TNS3: variants seen among roughly 807,000 people sequenced by gnomAD.
TNS3 encodes tensin-3.
A neutral mutation model predicts 140.9 loss-of-function variants in TNS3; 45 were observed. The ratio of observed to expected loss-of-function variants is 0.32; its 90% confidence interval spans 0.25 to 0.41. The LOEUF is 0.41. TNS3 is among the 10% of genes least tolerant of loss of function. The pLI is 1.00. For synonymous variants in TNS3, 815 were observed against 788.4 expected (o/e 1.03, Z -0.56); for missense variants, 1,716 against 1,906.7 (o/e 0.90, Z 1.86).
At chr7:47,528,224 T>A (rs1452501722) in intron 2 of TNS3, among the ~76,000 whole-genome samples, 1 of 152,086 alleles carries the variant, frequency 6.6e-6, no homozygotes, top group African/African-American at 2.4e-5. Flanking sequence ...CCCATTAAGG[T>A]TTGACTGCGT....
At chr7:47,282,444 T>A (rs1421270698) in intron 28 of TNS3, among the ~76,000 whole-genome samples, 1 of 149,216 alleles carries the variant, frequency 6.7e-6, no homozygotes, top group Non-Finnish European at 1.5e-5. Context: ...CTGAGCTATG[T>A]CCCTGACCCT....
intron 4 of TNS3, among the ~76,000 whole-genome samples, chr7:47,464,370 T>C (rs1306931146): frequency 6.6e-6 from 1 of 151,860 alleles, no homozygotes; most frequent in Non-Finnish European, 1.5e-5. Flanking sequence ...AATGTGAGTT[T>C]CTCAGGTGGA....
chr7:47,572,798 G>A (rs532332284), intron 1 of TNS3, among the ~76,000 whole-genome samples: 7 of 152,022 alleles, frequency 4.6e-5, no homozygotes, highest in Non-Finnish European at 4.4e-5. Flanking sequence ...ATTTGAACCC[G>A]GGATGGGGAG....
chr7:47,459,822 C>T (rs1017782128), intron 4 of TNS3, among the ~76,000 whole-genome samples: 3 of 152,156 alleles, frequency 2.0e-5, no homozygotes, highest in African/African-American at 7.2e-5. Context: ...TGGAGACTGA[C>T]AAAATGCCTG....
intron 1 of TNS3, among the ~76,000 whole-genome samples, chr7:47,541,439 C>A (rs975264128): frequency 1.7e-4 from 26 of 152,178 alleles, no homozygotes; most frequent in Admixed American, 9.2e-4. Flanking sequence ...CAACAGTCAC[C>A]CCCCAATGAG....
intron 10 of TNS3, among the ~76,000 whole-genome samples, chr7:47,419,096 G>A (rs762358948): frequency 2.6e-5 from 4 of 152,174 alleles, no homozygotes; most frequent in Non-Finnish European, 5.9e-5. Context: ...CATGTAATGG[G>A]AAGAATAATG....
At position 47,405,294 on chromosome 7, in the gene TNS3, G is replaced by C. The variant is rs77911661; in HGVS notation, c.724-4380C>G. Among the ~76,000 whole-genome samples the C allele has an allele frequency of 7.5e-3, 1,137 of 152,230 alleles. 10 individuals carry two copies. Among genetic ancestry groups the C allele is most frequent in the African/African-American group, 0.025 (1,058 of 41,532 alleles). On this transcript the variant is annotated intron_variant, in intron 13 of 30. Transcript: ENST00000311160. The stretch of plus-strand genomic sequence containing the variant: ...CTTCCCCTAAATTTACTAAGCAAAA[G>C]AGCAGAACCCTCAAAGCATCCCTAA...
chr7:47,300,735 G>C (rs1786351280), intron 23 of TNS3, among the ~76,000 whole-genome samples: 1 of 152,206 alleles, frequency 6.6e-6, no homozygotes, highest in South Asian at 2.1e-4. Flanking sequence ...CTCTCAGTTT[G>C]GCCAGCTGGA....
chr7:47,417,105 A>G (rs1290477146), intron 10 of TNS3, among the ~76,000 whole-genome samples: 1 of 152,170 alleles, frequency 6.6e-6, no homozygotes, highest in African/African-American at 2.4e-5. Context: ...TGTTTGTTTT[A>G]TGACTTCCTG....
intron 15 of TNS3, among the ~76,000 whole-genome samples, chr7:47,397,424 C>G (rs868735545): frequency 2.0e-5 from 3 of 152,338 alleles, no homozygotes; most frequent in African/African-American, 7.2e-5. Flanking sequence ...GGAAACAAAA[C>G]TCCCATGCAT....
chr7:47,500,236 G>T (rs925548222), intron 3 of TNS3, among the ~76,000 whole-genome samples: 2 of 151,946 alleles, frequency 1.3e-5, no homozygotes, highest in African/African-American at 4.8e-5. Flanking sequence ...CTCTGTGCAC[G>T]GCCGAGAGCT....
At chr7:47,380,899 G>C (rs1791715977) in intron 16 of TNS3, among the ~76,000 whole-genome samples, 1 of 152,206 alleles carries the variant, frequency 6.6e-6, no homozygotes, top group African/African-American at 2.4e-5. Flanking sequence ...TGGCATGCCA[G>C]AGGAGGGCGG....
intron 20 of TNS3, among the ~76,000 whole-genome samples, chr7:47,331,341 G>A (rs1172771820): frequency 2.0e-5 from 3 of 152,162 alleles, no homozygotes; most frequent in Non-Finnish European, 4.4e-5. Context: ...TTACGTGCTG[G>A]CCAGCACCCC....
At chr7:47,491,066 C>T (rs978083754) in intron 3 of TNS3, among the ~76,000 whole-genome samples, 2 of 152,066 alleles carry the variant, frequency 1.3e-5, no homozygotes, top group African/African-American at 4.8e-5. Context: ...GGCAAGAGGC[C>T]GACAGAGCGC....
chr7:47,400,327 C>T (rs369807762), intron 15 of TNS3, 66 bp downstream of exon 15: 7 of 1,321,246 alleles, frequency 5.3e-6, no homozygotes, highest in South Asian at 3.6e-5. Flanking sequence ...ACAGCCCCAG[C>T]GTAGCCATCA....
intron 2 of TNS3, among the ~76,000 whole-genome samples, chr7:47,528,256 C>T (rs2151937682): frequency 6.6e-6 from 1 of 152,236 alleles, no homozygotes; most frequent in South Asian, 2.1e-4. Flanking sequence ...TCACAGGCAC[C>T]CTACTCTAAA....
Position 47,303,048 on chromosome 7 carries a change from C to G in TNS3, c.3359G>C (p.Gly1120Ala). ...SLGSVSPSSS[G>A]FSSPHSGSTI... ...GCTCCCGCTGTGCGGGCTGGAGAAG[C>G]CACTGGAGGAGGGAGAGACTGAGCC... The change falls in exon 22 of 31, where the codon GGC becomes GCC. Residue 1120 changes from glycine (G) to alanine (A), a missense_variant. By Grantham distance (60) the Gly-to-Ala change is moderately conservative (BLOSUM62 0). This residue lies in a region of TNS3 where 1,163 missense variants were observed against 1,182.1 expected (regional missense o/e 0.98). Coordinates refer to ENST00000311160, the MANE Select transcript of TNS3 (RefSeq NM_022748.12). 6.2e-7 allele frequency: 1 copy of G among 1,614,200 alleles called. No individual in the cohort carries two copies. The highest frequency in any genetic ancestry group is 1.1e-5 in the South Asian group (1 of 91,078).
At chr7:47,531,596 A>G (rs1287168002) in intron 1 of TNS3, among the ~76,000 whole-genome samples, 1 of 152,262 alleles carries the variant, frequency 6.6e-6, no homozygotes, top group Non-Finnish European at 1.5e-5. Flanking sequence ...TGTTTAAACA[A>G]TAGTGTAATG....
chr7:47,540,190 G>A (rs750182324), intron 1 of TNS3, among the ~76,000 whole-genome samples: 1 of 151,832 alleles, frequency 6.6e-6, no homozygotes. Context: ...GGAACAAAAC[G>A]AGGTTCTTCC....
Sources: allele counts gnomAD v4.1 joint callset (sites outside exome capture counted in the v4.1 genomes callset), GRCh38; gene constraint gnomAD v4.1.1; regional missense constraint gnomAD v4.1.1; transcripts MANE v1.5; gene names NCBI Gene and HGNC (gene_info 2026-07-23, HGNC 2026-07-21).